The following KNL1 variants were observed in gnomAD, a reference collection of about 807,000 sequenced individuals.
KNL1 encodes kinetochore scaffold 1.
In KNL1, 66 loss-of-function variants were observed where a neutral mutation model predicts 201.3. The ratio of observed to expected loss-of-function variants is 0.33; its 90% confidence interval spans 0.27 to 0.40. The LOEUF (loss-of-function observed/expected upper bound fraction) is 0.40. KNL1 is among the 10% of genes least tolerant of loss of function. The probability of loss-of-function intolerance (pLI) is 1.00; values close to 1 mark genes in which losing one functional copy is unlikely to be tolerated. For synonymous variants in KNL1, 895 were observed against 899.2 expected, an observed-to-expected ratio of 1.00 and a Z score of 0.08; for missense variants, 2,815 against 2,690.5, an observed-to-expected ratio of 1.05 and a Z score of -1.02.
At position 40,622,127 on chromosome 15, in the gene KNL1, A is replaced by T. The variant is rs1332054990; in HGVS notation, c.1863A>T (p.Glu621Asp). ...ECEEITKSRN[E>D]PFQRSDIIAK... is the part of the protein sequence containing the mutation. ...AAGAAATTACCAAAAGTCGTAATGAACCATTTCAGCGATCAGACATAATAG... is the reference window on the plus strand; with the variant it reads ...AAGAAATTACCAAAAGTCGTAATGATCCATTTCAGCGATCAGACATAATAG... Residue 621 changes from glutamate (E) to aspartate (D), a missense_variant, in exon 10 of 26, where the codon GAA becomes GAT. Around this residue, in one of 3 missense-constraint regions of KNL1, gnomAD observed 2,464 missense variants for 2,291.7 expected, o/e 1.08. Transcript: ENST00000399668. The T allele has an allele frequency of 6.2e-7, 1 of 1,614,006 alleles. No individual in the cohort carries two copies. Among genetic ancestry groups the T allele is most frequent in the African/African-American group, 1.3e-5 (1 of 74,942 alleles).
At chr15:40,648,986 G>A (rs576446581) in intron 17 of KNL1, among the ~76,000 whole-genome samples, 193 of 143,408 alleles carry the variant, frequency 1.3e-3, no homozygotes, top group Admixed American at 2.2e-3. Context: ...TGCACCACCA[G>A]GCCCTGCTAA....
At chr15:40,635,276 T>A (rs970222586) in intron 13 of KNL1, among the ~76,000 whole-genome samples, 3 of 151,824 alleles carry the variant, frequency 2.0e-5, no homozygotes, top group Non-Finnish European at 4.4e-5. Flanking sequence ...ATGGTCTCGA[T>A]CTCCTGACCT....
chr15:40,623,314 C>T lies in KNL1; in HGVS notation c.3050C>T (p.Pro1017Leu), dbSNP rs375546964. The T allele has an allele frequency of 5.6e-6, 9 of 1,613,760 alleles. No individual in the cohort carries two copies. The African/African-American group carries it at 9.3e-5, about 17-fold the overall frequency. Reference sequence around the variant, plus strand: ...GTAGCAAATGACAGCCAGCTAACCCCTCTGGAGGAATGGTCTAATAATAGG... The same window carrying T: ...GTAGCAAATGACAGCCAGCTAACCCTTCTGGAGGAATGGTCTAATAATAGG... ...RLVANDSQLT[P>L]LEEWSNNRGP... Residue 1017 changes from proline (P) to leucine (L), a missense_variant, in exon 10 of 26, where the codon CCT becomes CTT. By Grantham distance (98) the Pro-to-Leu change is moderately conservative. Around this residue, in one of 3 missense-constraint regions of KNL1, gnomAD observed 2,464 missense variants for 2,291.7 expected, o/e 1.08. Coordinates refer to ENST00000399668, the MANE Select transcript of KNL1 (RefSeq NM_144508.5).
chr15:40,647,112 AT>A, intron 17 of KNL1, 38 bp downstream of exon 17: 1 of 1,013,918 alleles, frequency 9.9e-7, no homozygotes, highest in Non-Finnish European at 1.6e-6. Flanking sequence ...AGAAAATTTA[AT>A]TTTATCTAAA....
At chr15:40,641,054 GT>G in intron 14 of KNL1, 27 bp downstream of exon 14, 4 of 1,430,776 alleles carry the variant, frequency 2.8e-6, no homozygotes, top group Non-Finnish European at 2.9e-6. Flanking sequence ...TTTTATGTGT[GT>G]TTTTTTGAGG....
chr15:40,638,011 C>G (rs1012870089), intron 13 of KNL1, among the ~76,000 whole-genome samples: 2 of 151,884 alleles, frequency 1.3e-5, no homozygotes, highest in Non-Finnish European at 2.9e-5. Context: ...AACCCTCTCT[C>G]TACTAAAAAT....
chr15:40,652,455 C>CTTTTTTTTT (rs35374662), intron 21 of KNL1, among the ~76,000 whole-genome samples: 2 of 120,068 alleles, frequency 1.7e-5, no homozygotes, highest in African/African-American at 3.0e-5. Context: ...GCTGGAGATT[C>CTTTTTTTTT]TTTTTTTTTT....
At chr15:40,641,317 C>T (rs1044876883) in intron 14 of KNL1, among the ~76,000 whole-genome samples, 3 of 151,962 alleles carry the variant, frequency 2.0e-5, no homozygotes, top group Admixed American at 1.3e-4. Flanking sequence ...ATAGAAATGG[C>T]GTATATAAAT....
intron 17 of KNL1, among the ~76,000 whole-genome samples, chr15:40,649,095 C>T (rs1166992588): frequency 6.6e-6 from 1 of 151,096 alleles, no homozygotes; most frequent in Non-Finnish European, 1.5e-5. Flanking sequence ...GCCTCGGCCT[C>T]CCAAAGTGCT....
At chr15:40,637,244 A>T (rs1893082860) in intron 13 of KNL1, among the ~76,000 whole-genome samples, 1 of 146,158 alleles carries the variant, frequency 6.8e-6, no homozygotes, top group Non-Finnish European at 1.5e-5. Context: ...CTTCCTTTTA[A>T]TGAAGAAACC....
At chr15:40,659,243 G>T (rs1282240552) in intron 24 of KNL1, 96 bp from the exon 25 acceptor site, 3 of 1,094,642 alleles carry the variant, frequency 2.7e-6, no homozygotes, top group African/African-American at 3.2e-5. Flanking sequence ...CAGCCTGGGC[G>T]ATAGAGCAAG....
chr15:40,632,282 G>A (rs1892932914), intron 13 of KNL1, among the ~76,000 whole-genome samples: 1 of 144,860 alleles, frequency 6.9e-6, no homozygotes, highest in African/African-American at 2.6e-5. Flanking sequence ...AGAAGATTAA[G>A]AAAGAAAACG....
rs771852489 is a variant in KNL1 at position 40,622,627 on chromosome 15, AAC to A, written c.2368_2369del (p.Thr790TyrfsTer16). The A allele has an allele frequency of 6.2e-7, 1 of 1,601,278 alleles. No individual in the cohort carries two copies. Among genetic ancestry groups the A allele is most frequent in the Non-Finnish European group, 8.5e-7 (1 of 1,174,738 alleles). ...CAAGAACTTGGTAAAACTAATTTAG[AAC>A]ACACTACTGGCCAGCTAACAACAAT... On this transcript the variant is annotated frameshift_variant, in exon 10 of 26. Transcript: ENST00000399668. LOFTEE classifies it high-confidence loss of function.
intron 4 of KNL1, among the ~76,000 whole-genome samples, chr15:40,607,005 C>A (rs1318095573): frequency 6.6e-6 from 1 of 152,180 alleles, no homozygotes; most frequent in Admixed American, 6.5e-5. Context: ...AGTAATCCAC[C>A]CACCTTGGTC....
intron 13 of KNL1, among the ~76,000 whole-genome samples, chr15:40,638,048 G>A (rs1893110178): frequency 1.3e-5 from 2 of 151,998 alleles, no homozygotes; most frequent in African/African-American, 4.8e-5. Flanking sequence ...GGGCCTGGCA[G>A]CATATGCCTG....
intron 7 of KNL1, among the ~76,000 whole-genome samples, chr15:40,612,323 CAAAA>C (rs944062242): frequency 7.0e-6 from 1 of 143,436 alleles, no homozygotes; most frequent in Non-Finnish European, 1.5e-5. Flanking sequence ...CTCAAAAAAA[CAAAA>C]AAAACCCCAA....
intron 1 of KNL1, among the ~76,000 whole-genome samples, chr15:40,597,516 C>G (rs1891655049): frequency 1.3e-5 from 2 of 152,280 alleles, no homozygotes; most frequent in South Asian, 4.1e-4. Context: ...CTCAAGTGAT[C>G]CACCCACCTC....
intron 25 of KNL1, among the ~76,000 whole-genome samples, chr15:40,660,921 C>G (rs937942797): frequency 2.0e-5 from 3 of 152,138 alleles, no homozygotes; most frequent in Non-Finnish European, 2.9e-5. Flanking sequence ...CAGGATCATG[C>G]CACTGGCCTC....
At chr15:40,634,085 TTTGTTG>T (rs549099539) in intron 13 of KNL1, among the ~76,000 whole-genome samples, 4 of 151,958 alleles carry the variant, frequency 2.6e-5, no homozygotes, top group Non-Finnish European at 5.9e-5. Flanking sequence ...ATTTTAGGTT[TTTGTTG>T]TTGTTGTTGT....
Sources: gnomAD v4.1 joint callset for allele counts (sites outside exome capture counted in the v4.1 genomes callset) on GRCh38, gnomAD v4.1.1 for gene constraint, gnomAD v4.1.1 regional missense constraint, MANE v1.5 for transcripts, NCBI Gene and HGNC (gene_info 2026-07-23, HGNC 2026-07-21) for gene names.